The following QKI variants were observed in gnomAD, a reference collection of about 807,000 sequenced individuals.
The protein encoded by QKI is KH domain-containing RNA-binding protein QKI.
QKI carries 10 observed loss-of-function variants against 39.0 expected under a neutral mutation model. That is an observed-to-expected ratio of 0.26 (90% CI 0.16 to 0.43). The LOEUF (loss-of-function observed/expected upper bound fraction) is 0.43, where lower values mean the gene tolerates loss of function less well. Ranked by LOEUF, QKI falls within the 20% of genes least tolerant of loss-of-function variation. The probability of loss-of-function intolerance (pLI) is 1.00; values close to 1 mark genes in which losing one functional copy is unlikely to be tolerated. For synonymous variants in QKI, 204 were observed against 155.4 expected (o/e 1.31, Z -2.33); for missense variants, 218 against 428.0 (o/e 0.51, Z 4.33).
At chr6:163,439,641 A>ACCG (rs1305289859) in intron 1 of QKI, among the ~76,000 whole-genome samples, 1 of 143,194 alleles carries the variant, frequency 7.0e-6, no homozygotes, top group Non-Finnish European at 1.5e-5. Context: ...GGCATGAGCC[A>ACCG]CCGCGTCCTG....
intron 1 of QKI, among the ~76,000 whole-genome samples, chr6:163,451,127 T>A (rs992134005): frequency 6.6e-6 from 1 of 152,160 alleles, no homozygotes; most frequent in African/African-American, 2.4e-5. Flanking sequence ...AAAATTGAAA[T>A]CTTCTGTTGG....
rs112841614 is a variant in QKI at position 163,420,772 on chromosome 6, C to T, written c.142+5437C>T. On this transcript the variant is annotated intron_variant, in intron 1 of 7. Coordinates refer to ENST00000361752, the MANE Select transcript of QKI (RefSeq NM_006775.3). ...TTTTACAGTTATATTTTTTACTTAA[C>T]AGAAAATCACAACTAACAATAAACT... Among the ~76,000 whole-genome samples the T allele has an allele frequency of 6.4e-3, 967 of 152,224 alleles. 8 individuals are homozygous for T. Among genetic ancestry groups the T allele is most frequent in the African/African-American group, 0.022 (912 of 41,546 alleles).
At chr6:163,540,912 G>GT (rs1234921139) in intron 4 of QKI, among the ~76,000 whole-genome samples, 1 of 151,842 alleles carries the variant, frequency 6.6e-6, no homozygotes, top group African/African-American at 2.4e-5. Context: ...TAGTTCTAGA[G>GT]TTTTATCAAT....
chr6:163,536,665 G>A lies in QKI; in HGVS notation c.546+1540G>A, dbSNP rs537187549. ...TTTTATTTCTAGTGTTTAGCATAGA[G>A]CCCAGCACATAGCAATAACATAGTA... On this transcript the variant is annotated intron_variant, in intron 4 of 7. Coordinates refer to ENST00000361752, the MANE Select transcript of QKI (RefSeq NM_006775.3). Among the ~76,000 whole-genome samples, 3 of 151,576 alleles carry A rather than the reference G, an allele frequency of 2.0e-5. No homozygotes were observed. The Admixed American group carries it at 2.0e-4, about 10-fold the overall frequency.
intron 6 of QKI, chr6:163,565,665 T>C: frequency 9.2e-7 from 1 of 1,090,862 alleles, no homozygotes; most frequent in Non-Finnish European, 1.1e-6. Context: ...AAAAAATCTA[T>C]TATGGTTAAT....
intron 3 of QKI, among the ~76,000 whole-genome samples, chr6:163,499,635 TTC>T (rs1246351175): frequency 6.6e-6 from 1 of 152,188 alleles, no homozygotes; most frequent in African/African-American, 2.4e-5. Flanking sequence ...TTCCAGTATC[TTC>T]TGTGTTGTCA....
Position 163,562,088 on chromosome 6 carries a change from G to C in QKI, c.634+19G>C, listed in dbSNP as rs368804902. 4.4e-6 allele frequency: 7 copies of C among 1,594,318 alleles called. No homozygotes were observed. The African/African-American group carries it at 9.4e-5, about 22-fold the overall frequency. On this transcript the variant is annotated intron_variant, in intron 5 of 7. Transcript: ENST00000361752. ...AAATCACGTAAGAATGAGCTCTGAG[G>C]CCCAGGGTTACTGCTGTCTGCGTTG...
intron 1 of QKI, among the ~76,000 whole-genome samples, chr6:163,427,190 T>A (rs1421143107): frequency 6.6e-6 from 1 of 152,060 alleles, no homozygotes; most frequent in Non-Finnish European, 1.5e-5. Context: ...ATTCATTCAT[T>A]TTTATATTTT....
At chr6:163,450,345 A>G (rs1342459772) in intron 1 of QKI, among the ~76,000 whole-genome samples, 3 of 152,204 alleles carry the variant, frequency 2.0e-5, no homozygotes, top group Non-Finnish European at 4.4e-5. Flanking sequence ...GGCGTGATCC[A>G]CCACAACCGG....
chr6:163,490,111 A>G (rs1777961733), intron 3 of QKI, among the ~76,000 whole-genome samples: 1 of 152,192 alleles, frequency 6.6e-6, no homozygotes, highest in African/African-American at 2.4e-5. Context: ...ATTCGCTATG[A>G]AAACAGATGA....
Position 163,565,448 on chromosome 6 carries a change from G to A in QKI, c.935-1273G>A, listed in dbSNP as rs1215041427. 1.2e-5 allele frequency: 12 copies of A among 986,254 alleles called. No homozygotes were observed. In the South Asian group the frequency reaches 4.7e-4, roughly 38 times the overall value. The allele number at this position is 986,254 out of a possible 1,614,324, so 61.1% of individuals were successfully genotyped here. The stretch of plus-strand genomic sequence containing the variant: ...TGTATATGATTACCTTATCTAAAAT[G>A]AATAAGAGGTGATGGACCAGTTTAC... On this transcript the variant is annotated intron_variant, in intron 6 of 7. Coordinates refer to ENST00000361752, the MANE Select transcript of QKI (RefSeq NM_006775.3).
Position 163,572,981 on chromosome 6 carries a change from A to T in QKI, c.*2271A>T, listed in dbSNP as rs1332021745. The T allele has an allele frequency of 6.6e-6, 1 of 152,150 alleles. No individual in the cohort carries two copies. The highest frequency in any genetic ancestry group is 1.5e-5 in the Non-Finnish European group (1 of 68,038). The allele number at this position is 152,150 out of a possible 1,614,324, so 9.4% of individuals were successfully genotyped here. ...TTGGTTGAATAAATTTGCGACACTC[A>T]AACACTTGAGGTGATAGTTGTTAAA... On this transcript the variant is annotated 3_prime_UTR_variant, in exon 8 of 8. Coordinates refer to ENST00000361752, the MANE Select transcript of QKI (RefSeq NM_006775.3).
chr6:163,563,773 T>C lies in QKI; in HGVS notation c.934+54T>C, dbSNP rs1456121145. The C allele has an allele frequency of 3.9e-6, 6 of 1,545,490 alleles. No homozygotes were observed. The South Asian group carries it at 5.0e-5, about 13-fold the overall frequency. Reference sequence around the variant, plus strand: ...ACATTCTCTTTATAAATATTTTTGCTCCCTCAGATTTTGAAATGATTTTAT... The same window carrying C: ...ACATTCTCTTTATAAATATTTTTGCCCCCTCAGATTTTGAAATGATTTTAT... On this transcript the variant is annotated intron_variant, in intron 6 of 7. Coordinates refer to ENST00000361752, the MANE Select transcript of QKI (RefSeq NM_006775.3).
intron 3 of QKI, among the ~76,000 whole-genome samples, chr6:163,508,504 T>TTTTCTTTC (rs142900512): frequency 2.1e-5 from 3 of 141,006 alleles, no homozygotes; most frequent in Non-Finnish European, 4.6e-5. Flanking sequence ...TTTCTTTTTC[T>TTTTCTTTC]TTTCTTTCTT....
At chr6:163,535,242 C>T (rs900969763) in intron 4 of QKI, 117 bp downstream of exon 4, 2 of 1,121,932 alleles carry the variant, frequency 1.8e-6, no homozygotes, top group South Asian at 2.6e-5. Context: ...TTTATTTAAG[C>T]ATAAAATTAA....
intron 1 of QKI, among the ~76,000 whole-genome samples, chr6:163,422,671 G>A (rs1562416533): frequency 6.6e-6 from 1 of 152,236 alleles, no homozygotes; most frequent in Non-Finnish European, 1.5e-5. Context: ...GCATGTGTGT[G>A]CAGGCATTTA....
rs1780819265 is a variant in QKI at position 163,531,048 on chromosome 6, A to T, written c.403-3934A>T. ...TTTTTTTTTATCTCTGTCTTTTGCT[A>T]CTTGGAGAGTTCCTCAGTTTGTCTT... On this transcript the variant is annotated intron_variant, in intron 3 of 7. Transcript: ENST00000361752. Among the ~76,000 whole-genome samples the T allele has an allele frequency of 4.6e-5, 7 of 152,032 alleles. No individual in the cohort carries two copies. The South Asian group carries it at 1.5e-3, about 32-fold the overall frequency.
chr6:163,419,285 A>G (rs917060426), intron 1 of QKI, among the ~76,000 whole-genome samples: 2 of 146,164 alleles, frequency 1.4e-5, no homozygotes, highest in African/African-American at 4.9e-5. Flanking sequence ...TGGATGTATC[A>G]TAAGGTTTTC....
At chr6:163,452,074 A>G (rs1343245779) in intron 1 of QKI, among the ~76,000 whole-genome samples, 6 of 152,238 alleles carry the variant, frequency 3.9e-5, no homozygotes, top group African/African-American at 1.4e-4. Flanking sequence ...TAGTTCATTC[A>G]TTGAATAAGT....
Sources: allele counts gnomAD v4.1 joint callset (sites outside exome capture counted in the v4.1 genomes callset), GRCh38; gene constraint gnomAD v4.1.1; transcripts MANE v1.5; gene names NCBI Gene and HGNC (gene_info 2026-07-23, HGNC 2026-07-21).